Variants in KIAA1958 observed in about 807,000 individuals in gnomAD.
KIAA1958 encodes the protein uncharacterized protein KIAA1958.
Under a neutral mutation model 47.2 loss-of-function variants are expected in KIAA1958, and 14 were observed. The observed-to-expected ratio is 0.30, with a 90% CI of 0.20 to 0.46. KIAA1958 has a LOEUF of 0.46. KIAA1958 is among the 20% of genes least tolerant of loss of function. KIAA1958 has a pLI of 1.00. For missense variants in KIAA1958, 803 were observed against 909.2 expected, an observed-to-expected ratio of 0.88 and a Z score of 1.50; for synonymous variants, 354 against 353.3, an observed-to-expected ratio of 1.00 and a Z score of -0.02.
intron 1 of KIAA1958, among the ~76,000 whole-genome samples, chr9:112,508,056 A>G (rs1202727924): frequency 1.3e-5 from 2 of 152,138 alleles, no homozygotes; most frequent in African/African-American, 4.8e-5. Context: ...TATACATTTT[A>G]GGAAATATGT....
chr9:112,574,805 C>G lies in KIAA1958; in HGVS notation c.725C>G (p.Ala242Gly). ...GCAAAACCCAAGCCTCAGACTCACG[C>G]TGGTCCCTCCTGTGTAGGGTCTGCT... ...QMAKPKPQTH[A>G]GPSCVGSAKL... Residue 242 changes from alanine (A) to glycine (G), a missense_variant, in exon 2 of 4, where the codon GCT becomes GGT. Ala to Gly is a moderately conservative substitution (Grantham distance 60). Transcript: ENST00000337530. 1 of 1,614,164 alleles carries G rather than the reference C, an allele frequency of 6.2e-7. No individual in the cohort carries two copies. The highest frequency in any genetic ancestry group is 8.5e-7 in the Non-Finnish European group (1 of 1,180,006).
intron 1 of KIAA1958, among the ~76,000 whole-genome samples, chr9:112,542,164 A>G (rs1474168091): frequency 6.6e-6 from 1 of 152,208 alleles, no homozygotes; most frequent in Non-Finnish European, 1.5e-5. Flanking sequence ...GGTCAAGAGT[A>G]CAGACCATGA....
intron 1 of KIAA1958, among the ~76,000 whole-genome samples, chr9:112,562,653 T>C (rs2131160810): frequency 6.6e-6 from 1 of 152,338 alleles, no homozygotes; most frequent in Non-Finnish European, 1.5e-5. Context: ...GTGGAGAATG[T>C]TGCTGATTCT....
In KIAA1958 at chr9:112,561,305, C is replaced by T. The variant is rs188259540; in HGVS notation, c.-24-12752C>T. Among the ~76,000 whole-genome samples, 94 of 152,036 alleles carry T rather than the reference C, an allele frequency of 6.2e-4. 1 individual carries two copies. Among genetic ancestry groups the T allele is most frequent in the African/African-American group, 2.1e-3 (85 of 41,418 alleles). On this transcript the variant is annotated intron_variant, in intron 1 of 3. Coordinates refer to ENST00000337530, the MANE Select transcript of KIAA1958 (RefSeq NM_133465.4). ...TCCTGACCTCGCGATCTGCCTGCCT[C>T]GGCCTCCCAAAGTGCTGGGATTACA...
At position 112,611,099 on chromosome 9, in the gene KIAA1958, CTG is replaced by C. The variant is rs765029262; in HGVS notation, c.1172-34549_1172-34548del. ...CTTAAATTGATCCATATCAATATAT[CTG>C]TATCATTTAACCCCAAGGTTATCAT... On this transcript the variant is annotated intron_variant, in intron 2 of 3. Transcript: ENST00000337530. Among the ~76,000 whole-genome samples the C allele has an allele frequency of 7.2e-5, 11 of 152,190 alleles. No individual in the cohort carries two copies. The South Asian group carries it at 2.1e-3, about 29-fold the overall frequency.
At chr9:112,604,626 A>G (rs1320247357) in intron 2 of KIAA1958, among the ~76,000 whole-genome samples, 1 of 152,204 alleles carries the variant, frequency 6.6e-6, no homozygotes, top group African/African-American at 2.4e-5. Context: ...GTAGCCCAGC[A>G]GGCTATAACA....
intron 1 of KIAA1958, among the ~76,000 whole-genome samples, chr9:112,488,922 G>A (rs906281068): frequency 7.9e-5 from 12 of 152,182 alleles, no homozygotes; most frequent in African/African-American, 2.9e-4. Context: ...TGCCTGGAGC[G>A]TAGATTTGTA....
At chr9:112,489,463 T>C (rs1050665133) in intron 1 of KIAA1958, among the ~76,000 whole-genome samples, 6 of 136,388 alleles carry the variant, frequency 4.4e-5, no homozygotes, top group Non-Finnish European at 9.4e-5. Context: ...TAGTTTTGTT[T>C]ATGTTTTTGT....
rs1433888466 is a variant in KIAA1958, at chr9:112,665,052, C to T, written c.*4983C>T. 1.3e-5 allele frequency: 2 copies of T among 151,988 alleles called. No individual in the cohort carries two copies. The highest frequency in any genetic ancestry group is 2.9e-5 in the Non-Finnish European group (2 of 67,986). The allele number at this position is 151,988 out of a possible 1,614,324, so 9.4% of individuals were successfully genotyped here. On this transcript the variant is annotated 3_prime_UTR_variant, in exon 4 of 4. Coordinates refer to ENST00000337530, the MANE Select transcript of KIAA1958 (RefSeq NM_133465.4). ...TAAAGTGCTTATTATTTAGCTAAAACAACTTATATGGAAGTTAATTATTTC... is the reference window on the plus strand; with the variant it reads ...TAAAGTGCTTATTATTTAGCTAAAATAACTTATATGGAAGTTAATTATTTC...
At chr9:112,576,249 T>C (rs755317573) in intron 2 of KIAA1958, among the ~76,000 whole-genome samples, 1 of 152,208 alleles carries the variant, frequency 6.6e-6, no homozygotes, top group African/African-American at 2.4e-5. Context: ...TTTGAAGACA[T>C]AGTCATGGTG....
At chr9:112,658,246 T>C (rs10817366) in intron 3 of KIAA1958, among the ~76,000 whole-genome samples, 45,096 of 152,118 alleles carry the variant, frequency 0.3, 8,194 homozygotes, top group African/African-American at 0.5. Flanking sequence ...ATAAATTCAA[T>C]GGAAAAATCA....
intron 2 of KIAA1958, among the ~76,000 whole-genome samples, chr9:112,622,984 CTA>C (rs1194471942): frequency 6.6e-6 from 1 of 152,160 alleles, no homozygotes; most frequent in African/African-American, 2.4e-5. Context: ...GCAAAAAACT[CTA>C]TGCTAATACT....
chr9:112,519,154 G>T (rs566126747), intron 1 of KIAA1958, among the ~76,000 whole-genome samples: 1 of 151,994 alleles, frequency 6.6e-6, no homozygotes. Context: ...TGTTACCCAG[G>T]TTGGTCTTGA....
rs57032014 is a variant in KIAA1958, at chr9:112,533,580, C to CA, written c.-24-40452dup. 3.0e-3 allele frequency among the ~76,000 whole-genome samples: 376 copies of CA among 125,144 alleles called. 1 individual carries two copies. In the East Asian group the frequency reaches 0.048, roughly 16 times the overall value. 82.1% of individuals were successfully genotyped at this position (125,144 alleles called of 152,430 possible). ...TGGGCGACACAGCGAGACTCCATCC[C>CA]AAAAAAAAAAAAAAAAAAAAAAAAA... On this transcript the variant is annotated intron_variant, in intron 1 of 3. Transcript: ENST00000337530.
chr9:112,517,566 T>G (rs1834459350), intron 1 of KIAA1958, among the ~76,000 whole-genome samples: 1 of 152,186 alleles, frequency 6.6e-6, no homozygotes, highest in African/African-American at 2.4e-5. Flanking sequence ...ACCAGCAAAA[T>G]TTCATAACAG....
chr9:112,572,519 C>T (rs1835557658), intron 1 of KIAA1958, among the ~76,000 whole-genome samples: 1 of 152,114 alleles, frequency 6.6e-6, no homozygotes, highest in Non-Finnish European at 1.5e-5. Flanking sequence ...TCAATGATAA[C>T]AGTACAGCAA....
chr9:112,620,874 T>G (rs1836493965), intron 2 of KIAA1958, among the ~76,000 whole-genome samples: 1 of 152,178 alleles, frequency 6.6e-6, no homozygotes, highest in African/African-American at 2.4e-5. Context: ...TAGCCAAAGA[T>G]AACTACTGTT....
chr9:112,606,305 A>ATTT (rs1368555231), intron 2 of KIAA1958, among the ~76,000 whole-genome samples: 1 of 152,196 alleles, frequency 6.6e-6, no homozygotes, highest in Admixed American at 6.5e-5. Context: ...GGGAGCCATA[A>ATTT]GAAACATTCT....
At chr9:112,642,309 G>C (rs1006553573) in intron 2 of KIAA1958, among the ~76,000 whole-genome samples, 1 of 152,228 alleles carries the variant, frequency 6.6e-6, no homozygotes, top group African/African-American at 2.4e-5. Flanking sequence ...TGGGAAACTG[G>C]AACTGTCCCA....
Sources: allele counts gnomAD v4.1 joint callset (sites outside exome capture counted in the v4.1 genomes callset), GRCh38; gene constraint gnomAD v4.1.1; transcripts MANE v1.5; gene names NCBI Gene and HGNC (gene_info 2026-07-23, HGNC 2026-07-21).